The following GADL1 variants were observed in gnomAD, a reference collection of about 807,000 sequenced individuals.
GADL1 encodes the protein GAD like acidic amino acid decarboxylase 1, also known as acidic amino acid decarboxylase GADL1.
Under a neutral mutation model 69.5 loss-of-function variants are expected in GADL1, and 71 were observed. The observed-to-expected ratio is 1.02, with a 90% CI of 0.84 to 1.25. The LOEUF (loss-of-function observed/expected upper bound fraction) is 1.25, where lower values mean the gene tolerates loss of function less well. Ranked by LOEUF, GADL1 falls within the 50% of genes most tolerant of loss-of-function variation. GADL1 has a pLI of 0.00. For missense variants in GADL1, 737 were observed against 631.8 expected (o/e 1.17, Z -1.79); for synonymous variants, 254 against 214.4 (o/e 1.18, Z -1.62).
chr3:30,855,532 A>G (rs963680520), intron 3 of GADL1, among the ~76,000 whole-genome samples: 2 of 152,060 alleles, frequency 1.3e-5, no homozygotes, highest in South Asian at 2.1e-4. Flanking sequence ...TATGCGGCTT[A>G]CATACACTTC....
chr3:30,876,030 T>G (rs1016986891), intron 1 of GADL1, among the ~76,000 whole-genome samples: 4 of 151,994 alleles, frequency 2.6e-5, no homozygotes, highest in African/African-American at 7.2e-5. Context: ...GATTTCCAAT[T>G]CTCCCTTATG....
At chr3:30,738,251 T>C (rs983369090) in intron 14 of GADL1, among the ~76,000 whole-genome samples, 17 of 152,302 alleles carry the variant, frequency 1.1e-4, no homozygotes, top group Admixed American at 1.0e-3. Context: ...ACCAACTCCC[T>C]TGGGGCATTT....
At chr3:30,866,758 T>A (rs925748841) in intron 1 of GADL1, among the ~76,000 whole-genome samples, 10 of 152,018 alleles carry the variant, frequency 6.6e-5, no homozygotes, top group Admixed American at 1.3e-4. Flanking sequence ...CCTTGTTGCT[T>A]TCCACCTTGC....
At chr3:30,746,976 C>T (rs1323843347) in intron 14 of GADL1, among the ~76,000 whole-genome samples, 1 of 152,064 alleles carries the variant, frequency 6.6e-6, no homozygotes, top group African/African-American at 2.4e-5. Flanking sequence ...GCAATTTAGG[C>T]CAGGAATTTT....
intron 11 of GADL1, among the ~76,000 whole-genome samples, chr3:30,819,300 A>G (rs3903533): frequency 0.35 from 53,468 of 151,670 alleles, 13,137 homozygotes; most frequent in African/African-American, 0.66. Context: ...GGTGTGAACT[A>G]AAAATGGTTT....
intron 6 of GADL1, among the ~76,000 whole-genome samples, chr3:30,845,450 A>G (rs1369344122): frequency 1.3e-5 from 2 of 152,074 alleles, no homozygotes; most frequent in African/African-American, 4.8e-5. Context: ...TGAATACATT[A>G]AAAGAGTAGT....
intron 14 of GADL1, among the ~76,000 whole-genome samples, chr3:30,768,253 A>G (rs1435240007): frequency 2.6e-5 from 4 of 152,184 alleles, no homozygotes; most frequent in Non-Finnish European, 5.9e-5. Flanking sequence ...TGAGCAAAAG[A>G]TGTTCATCTG....
intron 14 of GADL1, among the ~76,000 whole-genome samples, chr3:30,756,678 T>C (rs1271605541): frequency 6.6e-6 from 1 of 152,172 alleles, no homozygotes; most frequent in Non-Finnish European, 1.5e-5. Context: ...TGGATTAGCC[T>C]GATTGGGAAG....
intron 12 of GADL1, among the ~76,000 whole-genome samples, chr3:30,793,270 G>C (rs763618161): frequency 2.6e-5 from 4 of 152,116 alleles, no homozygotes; most frequent in African/African-American, 9.7e-5. Context: ...GAAATGTGTT[G>C]TTGGAAGGAA....
At chr3:30,729,440 A>T (rs965011119) in intron 14 of GADL1, among the ~76,000 whole-genome samples, 3 of 152,194 alleles carry the variant, frequency 2.0e-5, no homozygotes, top group African/African-American at 4.8e-5. Context: ...ATGAGTTTCT[A>T]TCCTTGCCTT....
Position 30,872,892 on chromosome 3 carries a change from C to G in GADL1, c.38-11127G>C, listed in dbSNP as rs936559110. Among the ~76,000 whole-genome samples, 3 of 152,022 alleles carry G rather than the reference C, an allele frequency of 2.0e-5. No homozygotes were observed. The East Asian group carries it at 5.9e-4, about 30-fold the overall frequency. On this transcript the variant is annotated intron_variant, in intron 1 of 14. Transcript: ENST00000282538. ...GAAAATTAAAACCAACTAGACACACCTTACTAAGTATACTCTCTTGACCTT... is the reference window on the plus strand; with the variant it reads ...GAAAATTAAAACCAACTAGACACACGTTACTAAGTATACTCTCTTGACCTT...
intron 4 of GADL1, among the ~76,000 whole-genome samples, chr3:30,853,694 C>T (rs1321433918): frequency 6.6e-6 from 1 of 152,108 alleles, no homozygotes; most frequent in Non-Finnish European, 1.5e-5. Context: ...CAGGCATTGT[C>T]CCAGGAGTCT....
chr3:30,859,010 A>T (rs1182438713), intron 2 of GADL1, among the ~76,000 whole-genome samples: 1 of 152,028 alleles, frequency 6.6e-6, no homozygotes, highest in East Asian at 1.9e-4. Context: ...AAGAAGCCGA[A>T]TTAGATAGAC....
At position 30,850,896 on chromosome 3, in the gene GADL1, C is replaced by T. The variant is rs187843448; in HGVS notation, c.474G>A (p.Ala158=). 33 of 1,550,514 alleles carry T rather than the reference C, an allele frequency of 2.1e-5. No homozygotes were observed. The highest frequency in any genetic ancestry group is 4.9e-5 in the East Asian group (2 of 40,886). The change falls in exon 5 of 15, where the codon GCG becomes GCA. Residue 158 remains alanine, a synonymous_variant. Transcript: ENST00000282538. Reference sequence around the variant, plus strand: ...TAAATTCAATCATTTTCTTCAGAACCGCTTCTTCCACTAACAGAAACACTG... The same window carrying T: ...TAAATTCAATCATTTTCTTCAGAACTGCTTCTTCCACTAACAGAAACACTG... ...VSPVFLLVEE[A]VLKKMIEFIG...
chr3:30,761,703 G>C (rs924891930), intron 14 of GADL1, among the ~76,000 whole-genome samples: 1 of 128,392 alleles, frequency 7.8e-6, no homozygotes, highest in Non-Finnish European at 1.7e-5. Flanking sequence ...ATATCCATTT[G>C]TGTGTGAGGG....
intron 1 of GADL1, among the ~76,000 whole-genome samples, chr3:30,872,506 T>C (rs1698506739): frequency 6.6e-6 from 1 of 151,960 alleles, no homozygotes; most frequent in Non-Finnish European, 1.5e-5. Context: ...TTTTCTGAGA[T>C]TCAGGGCTGA....
At chr3:30,781,209 C>T (rs1248016023) in intron 13 of GADL1, among the ~76,000 whole-genome samples, 2 of 151,882 alleles carry the variant, frequency 1.3e-5, no homozygotes, top group African/African-American at 2.4e-5. Flanking sequence ...GAGTAATGTG[C>T]CATTAAAGAA....
At chr3:30,740,549 C>T (rs971076230) in intron 14 of GADL1, among the ~76,000 whole-genome samples, 16 of 152,048 alleles carry the variant, frequency 1.1e-4, no homozygotes, top group Non-Finnish European at 2.9e-5. Context: ...CACAATTGAA[C>T]CTCTACGTAC....
At chr3:30,769,230 A>G (rs1696359204) in intron 14 of GADL1, among the ~76,000 whole-genome samples, 1 of 152,162 alleles carries the variant, frequency 6.6e-6, no homozygotes, top group Non-Finnish European at 1.5e-5. Flanking sequence ...TGAGGATCTT[A>G]TTCAGTGCTC....
Sources: gnomAD v4.1 joint callset for allele counts (sites outside exome capture counted in the v4.1 genomes callset) on GRCh38, gnomAD v4.1.1 for gene constraint, MANE v1.5 for transcripts, NCBI Gene and HGNC (gene_info 2026-07-23, HGNC 2026-07-21) for gene names.